FNDC1: variants seen among roughly 807,000 people sequenced by gnomAD.
FNDC1 encodes fibronectin type III domain-containing protein 1.
A neutral mutation model predicts 168.0 loss-of-function variants in FNDC1; 96 were observed. That is an observed-to-expected ratio of 0.57 (90% CI 0.48 to 0.68). The LOEUF is 0.68. Among genes scored for constraint, FNDC1 ranks in the 30% least tolerant of loss-of-function variants. The pLI is 0.00. For missense variants in FNDC1, 2,587 were observed against 2,482.1 expected, an observed-to-expected ratio of 1.04 and a Z score of -0.90; for synonymous variants, 1,099 against 1,025.9, an observed-to-expected ratio of 1.07 and a Z score of -1.36.
intron 21 of FNDC1, 136 bp downstream of exon 21, chr6:159,266,381 A>C: frequency 1.1e-6 from 1 of 907,646 alleles, no homozygotes; most frequent in East Asian, 2.4e-5. Context: ...CCTCTAATAC[A>C]AACCAATTTT....
rs1562315853 is a variant in FNDC1, at chr6:159,269,296, C to CTATTTAT, written c.5569+1370_5569+1371insTATTTAT. Among the ~76,000 whole-genome samples, 28 of 125,520 alleles carry CTATTTAT rather than the reference C, an allele frequency of 2.2e-4. 5 individuals carry two copies. The highest frequency in any genetic ancestry group is 5.3e-4 in the South Asian group (2 of 3,742). The allele number at this position is 125,520 out of a possible 152,430, so 82.3% of individuals were successfully genotyped here. A position where few individuals can be genotyped will look rare whatever the true frequency, so the allele number is the denominator to read the frequency against. On this transcript the variant is annotated intron_variant, in intron 22 of 22. Coordinates refer to ENST00000297267, the MANE Select transcript of FNDC1 (RefSeq NM_032532.3). ...TCTATCTATCTATCTATCTATCCAT[C>CTATTTAT]CATCCATCTATCCTATCTATTTATC...
At chr6:159,183,388 A>G (rs455415) in intron 1 of FNDC1, among the ~76,000 whole-genome samples, 1 of 152,090 alleles carries the variant, frequency 6.6e-6, no homozygotes, top group Non-Finnish European at 1.5e-5. Flanking sequence ...TTCTCCTACC[A>G]CTAAAATTTC....
chr6:159,233,409 A>C lies in FNDC1; in HGVS notation c.2897A>C (p.Lys966Thr). Residue 966 changes from lysine to threonine, a missense_variant, in exon 11 of 23, where the codon AAA (lysine) becomes ACA (threonine). Lys to Thr is a moderately conservative substitution (Grantham distance 78). Transcript: ENST00000297267. The surrounding 1 kb of genome is among the most constrained non-coding windows in gnomAD (Gnocchi z 4.6). ...GCGGACACGGAGGGTCATTCTCCCA[A>C]AGCACAGCCAGGGTCCACAGACCGC... ...TDADTEGHSP[K>T]AQPGSTDRHA... 1 of 1,612,862 alleles carries C rather than the reference A, an allele frequency of 6.2e-7. No individual in the cohort carries two copies. Among genetic ancestry groups the C allele is most frequent in the Non-Finnish European group, 8.5e-7 (1 of 1,179,682 alleles).
intron 9 of FNDC1, among the ~76,000 whole-genome samples, chr6:159,227,832 T>A (rs418902): frequency 0.38 from 58,171 of 151,824 alleles, 14,250 homozygotes; most frequent in East Asian, 0.73. Context: ...AAAAGGTCCA[T>A]GCATTAGTCT....
At chr6:159,243,095 A>G (rs1204605372) in intron 14 of FNDC1, 1 of 152,112 alleles carries the variant, frequency 6.6e-6, no homozygotes, top group Admixed American at 6.5e-5. Context: ...TCCTTGTGGT[A>G]CCTAAGTATG....
At chr6:159,184,802 A>G (rs891192768) in intron 1 of FNDC1, among the ~76,000 whole-genome samples, 8 of 152,174 alleles carry the variant, frequency 5.3e-5, no homozygotes, top group African/African-American at 1.9e-4. Context: ...CTAGCAAACA[A>G]TGGTCATTCT....
chr6:159,246,253 A>T (rs1472356624), intron 14 of FNDC1, among the ~76,000 whole-genome samples: 1 of 152,180 alleles, frequency 6.6e-6, no homozygotes, highest in Non-Finnish European at 1.5e-5. Flanking sequence ...AAGAAATCTG[A>T]TTTATCTCCT....
intron 1 of FNDC1, among the ~76,000 whole-genome samples, chr6:159,187,491 CT>C (rs1384193779): frequency 2.6e-5 from 4 of 152,212 alleles, no homozygotes; most frequent in Non-Finnish European, 5.9e-5. Flanking sequence ...CCAATGCCAA[CT>C]GTGGAAAACA....
At chr6:159,265,835 G>A (rs1777580347) in intron 20 of FNDC1, among the ~76,000 whole-genome samples, 1 of 152,180 alleles carries the variant, frequency 6.6e-6, no homozygotes, top group African/African-American at 2.4e-5. Context: ...GGCTGCGGCA[G>A]GATAATCCCT....
At chr6:159,243,272 A>G (rs1390203327) in intron 14 of FNDC1, 1 of 152,176 alleles carries the variant, frequency 6.6e-6, no homozygotes, top group African/African-American at 2.4e-5. Flanking sequence ...TTGTAGCATG[A>G]CCTTGTTAAA....
At position 159,271,688 on chromosome 6, in the gene FNDC1, A is replaced by G. The variant is rs1020747913; in HGVS notation, c.*246A>G. ...TCTCTACTTTTTTTTGTTTGTTTGT[A>G]ATAGCACATCCCAGAGACATCAGAA... is the stretch of plus-strand genomic sequence containing the variant. On this transcript the variant is annotated 3_prime_UTR_variant, in exon 23 of 23. Coordinates refer to ENST00000297267, the MANE Select transcript of FNDC1 (RefSeq NM_032532.3). 2 of 394,580 alleles carry G rather than the reference A, an allele frequency of 5.1e-6. No individual in the cohort carries two copies. The highest frequency in any genetic ancestry group is 3.8e-5 in the Admixed American group (1 of 25,978). The allele number at this position is 394,580 out of a possible 1,614,324, so 24.4% of individuals were successfully genotyped here.
At chr6:159,252,879 C>T (rs969259416) in intron 17 of FNDC1, among the ~76,000 whole-genome samples, 5 of 152,190 alleles carry the variant, frequency 3.3e-5, no homozygotes, top group Non-Finnish European at 7.3e-5. Context: ...CAAGGGGCTT[C>T]TAAGAAACAT....
chr6:159,271,495 C>T lies in FNDC1; in HGVS notation c.*53C>T, dbSNP rs377593238. 3.5e-5 allele frequency: 48 copies of T among 1,373,944 alleles called. No individual in the cohort carries two copies. Among genetic ancestry groups the T allele is most frequent in the Middle Eastern group, 1.8e-4 (1 of 5,568 alleles). 85.1% of individuals were successfully genotyped at this position (1,373,944 alleles called of 1,614,324 possible). On this transcript the variant is annotated 3_prime_UTR_variant, in exon 23 of 23. Transcript: ENST00000297267. ...CCCTGCCCAGCCCCACCAACTAAGTCGCACTAGGGGCTGTGAGCAAAGACA... is the reference window on the plus strand; with the variant it reads ...CCCTGCCCAGCCCCACCAACTAAGTTGCACTAGGGGCTGTGAGCAAAGACA...
At position 159,232,704 on chromosome 6, in the gene FNDC1, C is replaced by T; in HGVS notation, c.2192C>T (p.Pro731Leu). The T allele has an allele frequency of 6.2e-7, 1 of 1,613,948 alleles. No homozygotes were observed. Among genetic ancestry groups the T allele is most frequent in the African/African-American group, 1.3e-5 (1 of 75,056 alleles). Residue 731 changes from proline (P) to leucine (L), a missense_variant, in exon 11 of 23, where the codon CCC (proline) becomes CTC (leucine). Physicochemically the swap from Pro to Leu is moderately conservative, Grantham distance 98 (BLOSUM62 -3). Coordinates refer to ENST00000297267, the MANE Select transcript of FNDC1 (RefSeq NM_032532.3). This position sits in a 1 kb window ranked among gnomAD's most constrained non-coding sequence, Gnocchi z 4.9. ...CATGGGGGATCATCTCGGCTGCTGC[C>T]CACCCAGCCACACCTGAGCTCTCCA... Reference protein sequence around the residue: ...PPHGGSSRLLPTQPHLSSPLS... With the variant: ...PPHGGSSRLLLTQPHLSSPLS...
chr6:159,197,438 C>A lies in FNDC1; in HGVS notation c.117C>A (p.His39Gln), dbSNP rs1332810108. 1.2e-6 allele frequency: 2 copies of A among 1,611,616 alleles called. No individual in the cohort carries two copies. Among genetic ancestry groups the A allele is most frequent in the Non-Finnish European group, 1.7e-6 (2 of 1,178,942 alleles). Residue 39 changes from histidine (H) to glutamine (Q), a missense_variant, in exon 2 of 23, where the codon CAC (histidine) becomes CAA (glutamine). His to Gln is a conservative substitution (Grantham distance 24). Transcript: ENST00000297267. Reference sequence around the variant, plus strand: ...GTTGCGCTGTTTACATAGTTGACCACCCACTGAAGCCAAGGCATGTGAAAC... The same window carrying A: ...GTTGCGCTGTTTACATAGTTGACCAACCACTGAAGCCAAGGCATGTGAAAC... The part of the protein sequence containing the change: ...VASSAAASVD[H>Q]PLKPRHVKLL...
rs1394780682 is a variant in FNDC1 at position 159,236,225 on chromosome 6, C to A, written c.3978C>A (p.Gly1326=). 1 of 1,612,540 alleles carries A rather than the reference C, an allele frequency of 6.2e-7. No individual in the cohort carries two copies. Among genetic ancestry groups the A allele is most frequent in the African/African-American group, 1.3e-5 (1 of 74,994 alleles). ...TTTGGTACTGTGTAGGTTATAATGG[C>A]AGACCAAATGTAGAAGGGAAAGTCC... is the stretch of plus-strand genomic sequence containing the variant. ...ARPSYRQGYN[G]RPNVEGKVLP... Residue 1326 remains glycine, a synonymous_variant, in exon 12 of 23, where the codon GGC becomes GGA. Coordinates refer to ENST00000297267, the MANE Select transcript of FNDC1 (RefSeq NM_032532.3).
chr6:159,239,512 T>G lies in FNDC1; in HGVS notation c.4181-5T>G. The G allele has an allele frequency of 6.4e-7, 1 of 1,573,412 alleles. No individual in the cohort carries two copies. The highest frequency in any genetic ancestry group is 8.6e-7 in the Non-Finnish European group (1 of 1,157,510). On this transcript the variant is annotated splice_polypyrimidine_tract_variant and splice_region_variant and intron_variant, in intron 13 of 22. Coordinates refer to ENST00000297267, the MANE Select transcript of FNDC1 (RefSeq NM_032532.3). ...TTGCATAGCTATTGGTTGATTTTGT[T>G]TCAGATCTGGAAGGGACCCCCGTGG...
intron 9 of FNDC1, among the ~76,000 whole-genome samples, chr6:159,227,090 T>C (rs1279639460): frequency 6.6e-6 from 1 of 152,122 alleles, no homozygotes; most frequent in African/African-American, 2.4e-5. Context: ...AACACCAAAA[T>C]AGCAAAAAAA....
chr6:159,267,675 A>C, intron 21 of FNDC1, 129 bp from the exon 22 acceptor site: 1 of 951,032 alleles, frequency 1.1e-6, no homozygotes. Context: ...TCAGACATGA[A>C]AAATACAGCA....
Sources: gnomAD v4.1 joint callset for allele counts (sites outside exome capture counted in the v4.1 genomes callset) on GRCh38, gnomAD v4.1.1 for gene constraint, Gnocchi (gnomAD v3.1) non-coding constraint, MANE v1.5 for transcripts, NCBI Gene and HGNC (gene_info 2026-07-23, HGNC 2026-07-21) for gene names.